Variants in ADCY2 observed in about 807,000 individuals in gnomAD.
ADCY2 encodes the protein adenylate cyclase 2, also known as adenylate cyclase type 2.
Under a neutral mutation model 125.2 loss-of-function variants are expected in ADCY2, and 31 were observed. The ratio of observed to expected loss-of-function variants is 0.25; its 90% CI spans 0.19 to 0.33. ADCY2 has a LOEUF of 0.33. ADCY2 is among the 10% of genes least tolerant of loss of function. The pLI is 1.00. For synonymous variants in ADCY2, 512 were observed against 548.4 expected, an observed-to-expected ratio of 0.93 and a Z score of 0.93; for missense variants, 904 against 1,418.2, an observed-to-expected ratio of 0.64 and a Z score of 5.82.
At chr5:7,436,697 G>A (rs1021598319) in intron 2 of ADCY2, among the ~76,000 whole-genome samples, 13 of 152,230 alleles carry the variant, frequency 8.5e-5, no homozygotes, top group Non-Finnish European at 1.6e-4. Flanking sequence ...TTGCCTGCAG[G>A]TGGCGGATCA....
chr5:7,466,794 CAAGTAACAAG>C (rs1742136427), intron 2 of ADCY2, among the ~76,000 whole-genome samples: 1 of 152,102 alleles, frequency 6.6e-6, no homozygotes, highest in African/African-American at 2.4e-5. Context: ...AAAATAATAG[CAAGTAACAAG>C]CACACCATGC....
At chr5:7,421,056 T>C (rs1426061895) in intron 2 of ADCY2, among the ~76,000 whole-genome samples, 1 of 152,054 alleles carries the variant, frequency 6.6e-6, no homozygotes, top group East Asian at 1.9e-4. Flanking sequence ...ACAGCAAGGA[T>C]TTCTACCCAT....
At chr5:7,558,829 GTCTT>G (rs1735619070) in intron 3 of ADCY2, among the ~76,000 whole-genome samples, 4 of 152,162 alleles carry the variant, frequency 2.6e-5, no homozygotes, top group Non-Finnish European at 5.9e-5. Context: ...TTACATTTAA[GTCTT>G]TAATGCATCT....
chr5:7,443,674 A>G (rs1036101656), intron 2 of ADCY2, among the ~76,000 whole-genome samples: 3 of 143,234 alleles, frequency 2.1e-5, no homozygotes, highest in African/African-American at 7.7e-5. Context: ...AAAAAAGGAT[A>G]CGTATGTGAG....
intron 22 of ADCY2, among the ~76,000 whole-genome samples, chr5:7,811,568 A>G (rs1404973088): frequency 6.6e-6 from 1 of 152,024 alleles, no homozygotes; most frequent in African/African-American, 2.4e-5. Flanking sequence ...TAAAACAATT[A>G]TTTTATCCAA....
chr5:7,522,739 T>TAAAAAAAAAAAAA (rs35601967), intron 3 of ADCY2: 4 of 122,616 alleles, frequency 3.3e-5, no homozygotes, highest in Non-Finnish European at 6.3e-5. Context: ...CATCTCTACT[T>TAAAAAAAAAAAAA]AAAAAAAAAA....
intron 4 of ADCY2, among the ~76,000 whole-genome samples, chr5:7,636,256 G>C (rs752809720): frequency 1.1e-4 from 17 of 152,226 alleles, no homozygotes; most frequent in Non-Finnish European, 2.2e-4. Context: ...AGCCATCCAG[G>C]ACACACAGGC....
chr5:7,755,556 T>C (rs553206664), intron 15 of ADCY2, among the ~76,000 whole-genome samples: 4 of 152,338 alleles, frequency 2.6e-5, no homozygotes, highest in African/African-American at 9.6e-5. Flanking sequence ...CTAACACTTG[T>C]AAGTCCTGTT....
chr5:7,771,499 G>A (rs76386521), intron 17 of ADCY2, among the ~76,000 whole-genome samples: 3,520 of 152,256 alleles, frequency 0.023, 402 homozygotes, highest in Admixed American at 0.2. Flanking sequence ...AATCCAGTGC[G>A]AGGTGTTGGT....
At chr5:7,502,933 T>C (rs1743648483) in intron 2 of ADCY2, among the ~76,000 whole-genome samples, 1 of 152,138 alleles carries the variant, frequency 6.6e-6, no homozygotes. Flanking sequence ...GATATGGTAT[T>C]GATATGATAA....
chr5:7,615,667 C>T (rs536886944), intron 3 of ADCY2, among the ~76,000 whole-genome samples: 29 of 152,272 alleles, frequency 1.9e-4, no homozygotes, highest in Non-Finnish European at 4.0e-4. Context: ...CCCAGGGGCA[C>T]TCCAGGATAT....
chr5:7,671,975 C>T (rs1326441315), intron 4 of ADCY2, among the ~76,000 whole-genome samples: 1 of 152,062 alleles, frequency 6.6e-6, no homozygotes, highest in Non-Finnish European at 1.5e-5. Flanking sequence ...CTTGAATTTC[C>T]ATTTTCTGGT....
At chr5:7,663,214 C>T (rs556676972) in intron 4 of ADCY2, among the ~76,000 whole-genome samples, 2 of 152,334 alleles carry the variant, frequency 1.3e-5, no homozygotes, top group East Asian at 3.9e-4. Flanking sequence ...TCTAGATTGA[C>T]ACAGATTTAG....
intron 1 of ADCY2, among the ~76,000 whole-genome samples, chr5:7,406,074 G>T (rs1739479723): frequency 6.6e-6 from 1 of 151,722 alleles, no homozygotes; most frequent in Non-Finnish European, 1.5e-5. Context: ...TGCCCAGGCT[G>T]GTCTCAAACT....
rs1177911590 is a variant in ADCY2, at chr5:7,826,841, G to C, written c.3246G>C (p.Arg1082Ser). 1 of 1,612,552 alleles carries C rather than the reference G, an allele frequency of 6.2e-7. No homozygotes were observed. Reference protein sequence around the residue: ...KTYFVNTEMSRSLSQSNVAS With the variant: ...KTYFVNTEMSSSLSQSNVAS ...ACTTTGTAAACACAGAAATGTCAAG[G>C]TCCCTTTCCCAGAGCAACGTGGCAT... The change falls in exon 25 of 25, where the codon AGG (arginine) becomes AGC (serine). Residue 1082 changes from arginine to serine, a missense_variant. By Grantham distance (110) the Arg-to-Ser change is moderately radical. This residue lies in a region of ADCY2 where 181 missense variants were observed against 381.6 expected (regional missense o/e 0.47). Transcript: ENST00000338316.
At chr5:7,762,193 C>A (rs1743244860) in intron 16 of ADCY2, among the ~76,000 whole-genome samples, 1 of 152,182 alleles carries the variant, frequency 6.6e-6, no homozygotes. Context: ...TGTGTTGATA[C>A]CTGGTGCCAT....
At chr5:7,763,931 G>T (rs1273786646) in intron 16 of ADCY2, among the ~76,000 whole-genome samples, 1 of 152,190 alleles carries the variant, frequency 6.6e-6, no homozygotes, top group Admixed American at 6.5e-5. Flanking sequence ...TGACTGGGTG[G>T]ATGGGCTGGT....
At chr5:7,752,582 C>G (rs1389816449) in intron 15 of ADCY2, among the ~76,000 whole-genome samples, 2 of 151,054 alleles carry the variant, frequency 1.3e-5, no homozygotes, top group Non-Finnish European at 2.9e-5. Flanking sequence ...TAAATGAAGT[C>G]TACTTTTATA....
intron 2 of ADCY2, among the ~76,000 whole-genome samples, chr5:7,519,325 G>C (rs768011267): frequency 6.6e-6 from 1 of 152,176 alleles, no homozygotes; most frequent in Non-Finnish European, 1.5e-5. Context: ...ATCCATACTT[G>C]GTACCAGAAG....
Sources: gnomAD v4.1 joint callset for allele counts (sites outside exome capture counted in the v4.1 genomes callset) on GRCh38, gnomAD v4.1.1 for gene constraint, gnomAD v4.1.1 regional missense constraint, MANE v1.5 for transcripts, NCBI Gene and HGNC (gene_info 2026-07-23, HGNC 2026-07-21) for gene names.